Variants in SPOCK3 observed in about 807,000 individuals in gnomAD.
The protein encoded by SPOCK3 is testican-3.
Under a neutral mutation model 56.6 loss-of-function variants are expected in SPOCK3, and 30 were observed. The ratio of observed to expected loss-of-function variants is 0.53; its 90% CI spans 0.40 to 0.72. The LOEUF is 0.72. SPOCK3 is among the 30% of genes least tolerant of loss of function. SPOCK3 has a pLI of 0.00. For synonymous variants in SPOCK3, 196 were observed against 183.3 expected, an observed-to-expected ratio of 1.07 and a Z score of -0.56; for missense variants, 527 against 530.0, an observed-to-expected ratio of 0.99 and a Z score of 0.06.
At chr4:166,825,152 A>T (rs551507675) in intron 6 of SPOCK3, among the ~76,000 whole-genome samples, 42 of 152,210 alleles carry the variant, frequency 2.8e-4, no homozygotes, top group African/African-American at 9.9e-4. Context: ...CAAATAAGGT[A>T]CCTAAGAAAA....
At chr4:166,950,398 C>A (rs144089053) in intron 4 of SPOCK3, among the ~76,000 whole-genome samples, 2 of 149,548 alleles carry the variant, frequency 1.3e-5, no homozygotes, top group Non-Finnish European at 2.9e-5. Context: ...ATCCTAAATA[C>A]ATATGCACCC....
chr4:166,746,557 A>T (rs1487616919), intron 8 of SPOCK3, among the ~76,000 whole-genome samples: 1 of 152,190 alleles, frequency 6.6e-6, no homozygotes, highest in Non-Finnish European at 1.5e-5. Flanking sequence ...TGACACCCTA[A>T]CATCACAATT....
At chr4:166,766,539 A>C (rs902092165) in intron 7 of SPOCK3, among the ~76,000 whole-genome samples, 11 of 152,126 alleles carry the variant, frequency 7.2e-5, no homozygotes, top group African/African-American at 2.2e-4. Context: ...GGATGAAGCC[A>C]ACTTGATCGT....
intron 3 of SPOCK3, among the ~76,000 whole-genome samples, chr4:167,060,624 A>T (rs1035646481): frequency 6.6e-6 from 1 of 152,144 alleles, no homozygotes; most frequent in African/African-American, 2.4e-5. Flanking sequence ...AGATAGTCTA[A>T]AAAATACTGT....
chr4:166,879,813 G>T (rs900562959), intron 6 of SPOCK3, among the ~76,000 whole-genome samples: 13 of 152,138 alleles, frequency 8.5e-5, no homozygotes, highest in African/African-American at 1.4e-4. Context: ...GGCGGGAGGT[G>T]ATTGGATCAT....
chr4:166,929,209 C>T (rs1166566186), intron 4 of SPOCK3, among the ~76,000 whole-genome samples: 1 of 152,076 alleles, frequency 6.6e-6, no homozygotes, highest in Non-Finnish European at 1.5e-5. Context: ...AGAATGTTAG[C>T]TTTAGGTTTA....
chr4:166,826,790 T>C (rs1015332389), intron 6 of SPOCK3, among the ~76,000 whole-genome samples: 1 of 152,106 alleles, frequency 6.6e-6, no homozygotes, highest in Non-Finnish European at 1.5e-5. Flanking sequence ...TAAATCTATG[T>C]CACTCACCCC....
chr4:167,029,250 C>A (rs60845081), intron 3 of SPOCK3, among the ~76,000 whole-genome samples: 12,457 of 150,978 alleles, frequency 0.083, 632 homozygotes, highest in African/African-American at 0.14. Flanking sequence ...CTACTCACAT[C>A]CAAGTCACTA....
chr4:167,202,411 A>T (rs1204217830), intron 2 of SPOCK3, among the ~76,000 whole-genome samples: 2 of 152,006 alleles, frequency 1.3e-5, no homozygotes, highest in African/African-American at 4.8e-5. Context: ...CAGTTTATGC[A>T]AAGTGTATAA....
At chr4:166,747,182 C>A (rs10003986) in intron 8 of SPOCK3, among the ~76,000 whole-genome samples, 122,308 of 151,824 alleles carry the variant, frequency 0.81, 49,508 homozygotes, top group African/African-American at 0.84. Flanking sequence ...ACACAGCAAA[C>A]AAAGAGAATT....
At chr4:167,227,690 T>C (rs1010132558) in intron 2 of SPOCK3, among the ~76,000 whole-genome samples, 7 of 152,076 alleles carry the variant, frequency 4.6e-5, no homozygotes, top group African/African-American at 1.7e-4. Flanking sequence ...AGGACTTGGA[T>C]AGTATTTACA....
intron 6 of SPOCK3, among the ~76,000 whole-genome samples, chr4:166,823,741 T>C (rs1050071755): frequency 6.6e-6 from 1 of 152,078 alleles, no homozygotes; most frequent in South Asian, 2.1e-4. Context: ...GAGATAGGTG[T>C]TATATAAATG....
At chr4:167,101,343 G>A (rs1467453093) in intron 2 of SPOCK3, among the ~76,000 whole-genome samples, 4 of 151,908 alleles carry the variant, frequency 2.6e-5, no homozygotes, top group Admixed American at 1.3e-4. Flanking sequence ...AGACTCGTTA[G>A]TCTCCCTACT....
chr4:166,825,561 A>G (rs1220040862), intron 6 of SPOCK3, among the ~76,000 whole-genome samples: 1 of 152,092 alleles, frequency 6.6e-6, no homozygotes, highest in African/African-American at 2.4e-5. Context: ...AAAAGAAATC[A>G]TTACATGAAA....
intron 2 of SPOCK3, among the ~76,000 whole-genome samples, chr4:167,135,752 T>G (rs932565316): frequency 4.7e-5 from 7 of 150,436 alleles, no homozygotes; most frequent in Admixed American, 4.7e-4. Flanking sequence ...CACCAGAAAC[T>G]AAAACAAAAG....
chr4:166,828,091 A>G (rs1745666099), intron 6 of SPOCK3, among the ~76,000 whole-genome samples: 1 of 152,054 alleles, frequency 6.6e-6, no homozygotes, highest in African/African-American at 2.4e-5. Context: ...CTTTTTTTAT[A>G]ATTACAAGCT....
Position 166,841,512 on chromosome 4 carries a change from T to C in SPOCK3, c.589+47618A>G, listed in dbSNP as rs1579385493. On this transcript the variant is annotated intron_variant, in intron 6 of 10. Transcript: ENST00000357545. ...AAAATAAGGAATCATTCTCTGCTTC[T>C]TCCAAATTTAAACCTATTTAGTTTT... Among the ~76,000 whole-genome samples, 3 of 152,364 alleles carry C rather than the reference T, an allele frequency of 2.0e-5. No homozygotes were observed. The Middle Eastern group carries it at 0.01, about 518-fold the overall frequency.
Position 166,734,943 on chromosome 4 carries a change from T to TCAC in SPOCK3, c.1277_1279dup (p.Gly426dup). 1 of 1,550,230 alleles carries TCAC rather than the reference T, an allele frequency of 6.5e-7. No individual in the cohort carries two copies. Among genetic ancestry groups the TCAC allele is most frequent in the Non-Finnish European group, 8.9e-7 (1 of 1,124,872 alleles). Reference sequence around the variant, plus strand: ...CAATCAAATGTATACATCATGGTCATCACCACCATCATCATCATCCCCTTC... The same window carrying TCAC: ...CAATCAAATGTATACATCATGGTCATCACCACCACCATCATCATCATCCCCTTC... On this transcript the variant is annotated inframe_insertion, in exon 11 of 11. Transcript: ENST00000357545.
intron 6 of SPOCK3, among the ~76,000 whole-genome samples, chr4:166,853,896 A>G (rs1047917999): frequency 1.3e-5 from 2 of 152,130 alleles, no homozygotes; most frequent in Non-Finnish European, 2.9e-5. Context: ...AAAAAAAGAA[A>G]AAAAGATGGT....
Sources: gnomAD v4.1 joint callset for allele counts (sites outside exome capture counted in the v4.1 genomes callset) on GRCh38, gnomAD v4.1.1 for gene constraint, MANE v1.5 for transcripts, NCBI Gene and HGNC (gene_info 2026-07-23, HGNC 2026-07-21) for gene names.